The following KCNT1 variants were observed in gnomAD, a reference collection of about 807,000 sequenced individuals.
The protein encoded by KCNT1 is potassium channel subfamily T member 1.
A neutral mutation model predicts 147.8 loss-of-function variants in KCNT1; 78 were observed. The observed-to-expected ratio is 0.53, with a 90% CI of 0.44 to 0.64. The LOEUF (loss-of-function observed/expected upper bound fraction) is 0.64, where lower values mean the gene tolerates loss of function less well. KCNT1 is among the 30% of genes least tolerant of loss of function. KCNT1 has a pLI of 0.00. For synonymous variants in KCNT1, 867 were observed against 748.8 expected (o/e 1.16, Z -2.58); for missense variants, 1,419 against 1,750.3 (o/e 0.81, Z 3.38).
chr9:135,794,401 C>G lies in KCNT1; in HGVS notation c.*2240C>G, dbSNP rs1438342388. The stretch of plus-strand genomic sequence containing the variant: ...TGGGGCCTCTGAGAACATCAGTGGT[C>G]CGTTCCCTCCTGCACACTGGTGGCA... On this transcript the variant is annotated 3_prime_UTR_variant, in exon 31 of 31. Coordinates refer to ENST00000371757, the MANE Select transcript of KCNT1 (RefSeq NM_020822.3). 6.6e-6 allele frequency: 1 copy of G among 152,316 alleles called. No individual in the cohort carries two copies. The allele number at this position is 152,316 out of a possible 1,614,324, so 9.4% of individuals were successfully genotyped here.
At chr9:135,729,179 T>G (rs1359697361) in intron 2 of KCNT1, among the ~76,000 whole-genome samples, 1 of 152,222 alleles carries the variant, frequency 6.6e-6, no homozygotes, top group Non-Finnish European at 1.5e-5. Context: ...ATTATCCGAG[T>G]GGGCTGCGTC....
chr9:135,703,458 A>C (rs1835117487), intron 1 of KCNT1, among the ~76,000 whole-genome samples: 1 of 152,198 alleles, frequency 6.6e-6, no homozygotes, highest in Non-Finnish European at 1.5e-5. Flanking sequence ...TCCCAGAATC[A>C]AGAGGCAGGC....
At chr9:135,774,092 TTG>T (rs1451797177) in intron 19 of KCNT1, among the ~76,000 whole-genome samples, 1 of 146,038 alleles carries the variant, frequency 6.8e-6, no homozygotes, top group Non-Finnish European at 1.5e-5. Context: ...GTAATGTGTG[TTG>T]TGTGTCAACG....
At chr9:135,783,923 C>T in intron 24 of KCNT1, 101 bp from the exon 25 acceptor site, 1 of 812,866 alleles carries the variant, frequency 1.2e-6, no homozygotes, top group Non-Finnish European at 2.1e-6. Context: ...AGGTATCATG[C>T]ACACATGTAC....
intron 1 of KCNT1, among the ~76,000 whole-genome samples, chr9:135,705,874 G>A (rs1253684724): frequency 6.9e-6 from 1 of 145,116 alleles, no homozygotes; most frequent in Non-Finnish European, 1.5e-5. Flanking sequence ...TTGAGAGGGG[G>A]CCTCCAGCTG....
At chr9:135,753,852 C>T (rs959887873) in intron 4 of KCNT1, 85 bp from the exon 5 acceptor site, 18 of 1,461,528 alleles carry the variant, frequency 1.2e-5, no homozygotes, top group East Asian at 1.1e-4. Context: ...CCCATGAACC[C>T]GAGCCTGTGG....
chr9:135,753,525 C>A (rs557341444), intron 4 of KCNT1, among the ~76,000 whole-genome samples: 33 of 152,300 alleles, frequency 2.2e-4, no homozygotes, highest in African/African-American at 7.5e-4. Flanking sequence ...TTGTTCAAGG[C>A]AGCTCTGGCC....
intron 15 of KCNT1, among the ~76,000 whole-genome samples, 161 bp downstream of exon 15, chr9:135,769,098 G>A (rs1564368200): frequency 1.4e-5 from 2 of 144,256 alleles, no homozygotes; most frequent in Non-Finnish European, 3.0e-5. Flanking sequence ...TCTGGGGCAG[G>A]ATGCGTGTGC....
chr9:135,736,883 C>G (rs996146205), intron 2 of KCNT1: 30 of 281,056 alleles, frequency 1.1e-4, no homozygotes, highest in Non-Finnish European at 1.9e-4. Flanking sequence ...GCCTGCAGCC[C>G]GGGGAAGGGG....
intron 28 of KCNT1, 26 bp from the exon 29 acceptor site, chr9:135,786,171 G>A (rs765986240): frequency 2.0e-5 from 14 of 700,806 alleles, no homozygotes; most frequent in East Asian, 6.1e-5. Context: ...ACCCCTCCCC[G>A]CCCTGCCCTG....
rs368332606 is a variant in KCNT1, at chr9:135,752,259, C to T, written c.434+1218C>T. On this transcript the variant is annotated intron_variant, in intron 4 of 30. Transcript: ENST00000371757. This position sits in a 1 kb window ranked among gnomAD's most constrained non-coding sequence, Gnocchi z 5.1. ...AGCCTGGCTTCTGGGGACCTAAAGG[C>T]GTCCATGTAAACTTTTGCTCAATCC... 1.6e-4 allele frequency: 68 copies of T among 428,632 alleles called. No individual in the cohort carries two copies. The East Asian group carries it at 3.3e-3, about 21-fold the overall frequency. 26.6% of individuals were successfully genotyped at this position (428,632 alleles called of 1,614,324 possible). A position where few individuals can be genotyped will look rare whatever the true frequency, so the allele number is the denominator to read the frequency against.
intron 11 of KCNT1, among the ~76,000 whole-genome samples, chr9:135,763,226 G>C (rs774051506): frequency 8.7e-6 from 1 of 114,476 alleles, no homozygotes; most frequent in African/African-American, 3.4e-5. Context: ...CGTCTAAGCC[G>C]CTCCCTGCCT....
intron 19 of KCNT1, 145 bp from the exon 20 acceptor site, chr9:135,775,165 C>T (rs576027815): frequency 4.1e-5 from 23 of 560,342 alleles, no homozygotes; most frequent in African/African-American, 3.9e-4. Flanking sequence ...AAGAACGGGC[C>T]ACCTTGGGTC....
At chr9:135,769,232 T>C (rs1832570884) in intron 15 of KCNT1, among the ~76,000 whole-genome samples, 8 of 124,976 alleles carry the variant, frequency 6.4e-5, no homozygotes, top group East Asian at 2.7e-4. Context: ...CGTGTGCACG[T>C]GTGTGTCGGT....
chr9:135,755,515 A>G (rs1831426013), intron 6 of KCNT1, among the ~76,000 whole-genome samples: 1 of 147,930 alleles, frequency 6.8e-6, no homozygotes, highest in African/African-American at 2.5e-5. Flanking sequence ...AGGCTCAGTG[A>G]GCACTGAGTA....
Position 135,778,062 on chromosome 9 carries a change from CCTT to C in KCNT1, c.2523-359_2523-357del, listed in dbSNP as rs535725937. On this transcript the variant is annotated intron_variant, in intron 21 of 30. Coordinates refer to ENST00000371757, the MANE Select transcript of KCNT1 (RefSeq NM_020822.3). ...CCTTTCCCCCTCCTCCCTTGTCACT[CCTT>C]CTGTCCTGTTTGCCTCCTGCTCCAC... 5.1e-3 allele frequency among the ~76,000 whole-genome samples: 779 copies of C among 152,262 alleles called. 3 individuals are homozygous for C. Among genetic ancestry groups the C allele is most frequent in the Admixed American group, 6.4e-3 (98 of 15,302 alleles).
chr9:135,715,535 G>T (rs1434124247), intron 2 of KCNT1, among the ~76,000 whole-genome samples: 1 of 152,184 alleles, frequency 6.6e-6, no homozygotes, highest in Non-Finnish European at 1.5e-5. Flanking sequence ...CAGGGTCGGG[G>T]TTGTCACTGT....
chr9:135,788,797 A>G (rs1308838474), intron 29 of KCNT1, among the ~76,000 whole-genome samples: 1 of 152,136 alleles, frequency 6.6e-6, no homozygotes, highest in Non-Finnish European at 1.5e-5. Flanking sequence ...CGTTTCCTCC[A>G]AGAACATGCT....
chr9:135,792,265 A>G lies in KCNT1; in HGVS notation c.*104A>G, dbSNP rs2131607064. ...GCACTAGCGTGACCCTGGGGATGGC[A>G]CACTCTACTCACCATGGCTCCTGGG... On this transcript the variant is annotated 3_prime_UTR_variant, in exon 31 of 31. Transcript: ENST00000371757. 3.6e-6 allele frequency: 5 copies of G among 1,384,864 alleles called. No homozygotes were observed. Among genetic ancestry groups the G allele is most frequent in the African/African-American group, 1.4e-5 (1 of 69,750 alleles). 85.8% of individuals were successfully genotyped at this position (1,384,864 alleles called of 1,614,324 possible). A position where few individuals can be genotyped will look rare whatever the true frequency, so the allele number is the denominator to read the frequency against.
Sources: gnomAD v4.1 joint callset for allele counts (sites outside exome capture counted in the v4.1 genomes callset) on GRCh38, gnomAD v4.1.1 for gene constraint, Gnocchi (gnomAD v3.1) non-coding constraint, MANE v1.5 for transcripts, NCBI Gene and HGNC (gene_info 2026-07-23, HGNC 2026-07-21) for gene names.